Variants in CCSER1 observed in about 807,000 individuals in gnomAD.
The protein encoded by CCSER1 is serine-rich coiled-coil domain-containing protein 1.
Under a neutral mutation model 82.0 loss-of-function variants are expected in CCSER1, and 41 were observed. The ratio of observed to expected loss-of-function variants is 0.50; its 90% confidence interval spans 0.39 to 0.65. CCSER1 has a LOEUF of 0.65. Ranked by LOEUF, CCSER1 falls within the 30% of genes least tolerant of loss-of-function variation. CCSER1 has a pLI of 0.00. For synonymous variants in CCSER1, 414 were observed against 383.9 expected (o/e 1.08, Z -0.92); for missense variants, 1,119 against 1,064.2 (o/e 1.05, Z -0.72).
At chr4:90,642,624 A>G (rs1015160269) in intron 6 of CCSER1, among the ~76,000 whole-genome samples, 2 of 152,170 alleles carry the variant, frequency 1.3e-5, no homozygotes, top group African/African-American at 4.8e-5. Flanking sequence ...GGATTGCTTG[A>G]GCTCAGGAGT....
At chr4:91,106,866 A>G (rs1725669764) in intron 10 of CCSER1, among the ~76,000 whole-genome samples, 1 of 152,146 alleles carries the variant, frequency 6.6e-6, no homozygotes, top group South Asian at 2.1e-4. Context: ...ATTATTGACA[A>G]TGTGGTATAA....
At chr4:91,217,330 C>G (rs575200404) in intron 10 of CCSER1, among the ~76,000 whole-genome samples, 5 of 152,314 alleles carry the variant, frequency 3.3e-5, no homozygotes, top group African/African-American at 1.2e-4. Flanking sequence ...CCTGTTTTGT[C>G]AGGGCGCTGA....
intron 10 of CCSER1, among the ~76,000 whole-genome samples, chr4:91,315,236 T>C (rs1362984751): frequency 6.6e-6 from 1 of 151,884 alleles, no homozygotes; most frequent in African/African-American, 2.4e-5. Flanking sequence ...TAATCTTTTA[T>C]GGCTTCTGAA....
intron 3 of CCSER1, among the ~76,000 whole-genome samples, chr4:90,384,353 C>T (rs1335998298): frequency 1.4e-5 from 2 of 140,652 alleles, no homozygotes; most frequent in Non-Finnish European, 3.0e-5. Context: ...CAAACTATCA[C>T]AAGGACAAAA....
At chr4:90,570,236 G>A (rs1779937311) in intron 5 of CCSER1, among the ~76,000 whole-genome samples, 1 of 152,144 alleles carries the variant, frequency 6.6e-6, no homozygotes, top group Non-Finnish European at 1.5e-5. Context: ...TGGGAGTCCT[G>A]TGGTCTAGAA....
intron 7 of CCSER1, among the ~76,000 whole-genome samples, chr4:90,734,088 G>C (rs771865957): frequency 2.6e-4 from 39 of 151,344 alleles, no homozygotes; most frequent in Non-Finnish European, 4.7e-4. Flanking sequence ...TCTATAGATT[G>C]CTATTTTTAT....
chr4:91,435,259 A>G (rs1171404758), intron 10 of CCSER1, among the ~76,000 whole-genome samples: 3 of 152,066 alleles, frequency 2.0e-5, no homozygotes, highest in Admixed American at 2.0e-4. Context: ...AGACAAGATG[A>G]TGAAACTCTG....
chr4:91,281,986 T>G, intron 10 of CCSER1, among the ~76,000 whole-genome samples: 1 of 152,188 alleles, frequency 6.6e-6, no homozygotes, highest in East Asian at 1.9e-4. Context: ...AAAATATTGG[T>G]TTTTGTTATT....
intron 6 of CCSER1, among the ~76,000 whole-genome samples, chr4:90,632,520 C>A (rs1244899835): frequency 1.3e-5 from 2 of 151,878 alleles, no homozygotes; most frequent in Non-Finnish European, 2.9e-5. Flanking sequence ...AGTGAATACA[C>A]CTGCAAAAGT....
At chr4:91,383,236 G>T (rs1399069122) in intron 10 of CCSER1, among the ~76,000 whole-genome samples, 1 of 152,066 alleles carries the variant, frequency 6.6e-6, no homozygotes, top group Non-Finnish European at 1.5e-5. Context: ...AGGCCAAAAA[G>T]ATGGTAATTA....
intron 1 of CCSER1, among the ~76,000 whole-genome samples, chr4:90,146,627 C>A (rs916093144): frequency 6.6e-6 from 1 of 151,924 alleles, no homozygotes; most frequent in Non-Finnish European, 1.5e-5. Flanking sequence ...CAACTGTTAT[C>A]GAAATTGGCT....
intron 10 of CCSER1, among the ~76,000 whole-genome samples, chr4:91,589,773 G>C (rs544408100): frequency 3.9e-5 from 6 of 151,902 alleles, no homozygotes; most frequent in African/African-American, 1.2e-4. Context: ...TTTCATAGAT[G>C]TCTTCTGAAT....
chr4:90,316,647 C>T (rs1736217478), intron 3 of CCSER1, among the ~76,000 whole-genome samples: 2 of 152,120 alleles, frequency 1.3e-5, no homozygotes, highest in African/African-American at 4.8e-5. Flanking sequence ...ATTAATGCAG[C>T]CCTTCATGTA....
At chr4:90,478,783 C>T (rs1765468454) in intron 5 of CCSER1, among the ~76,000 whole-genome samples, 1 of 149,172 alleles carries the variant, frequency 6.7e-6, no homozygotes, top group Non-Finnish European at 1.5e-5. Context: ...CTGTGTTGCC[C>T]AGGCTGGAGT....
At chr4:90,957,627 A>T (rs1279335078) in intron 9 of CCSER1, among the ~76,000 whole-genome samples, 4 of 119,840 alleles carry the variant, frequency 3.3e-5, no homozygotes, top group Non-Finnish European at 6.8e-5. Flanking sequence ...TATTGTATAT[A>T]TTCTATATAA....
intron 10 of CCSER1, among the ~76,000 whole-genome samples, chr4:91,356,197 C>T (rs796902836): frequency 2.6e-5 from 4 of 152,362 alleles, no homozygotes; most frequent in African/African-American, 9.6e-5. Flanking sequence ...CAGGGCCCTA[C>T]AGTCTGGGTT....
chr4:90,939,640 G>T (rs769395559), intron 9 of CCSER1, among the ~76,000 whole-genome samples: 56 of 152,156 alleles, frequency 3.7e-4, no homozygotes, highest in Non-Finnish European at 7.1e-4. Context: ...TCTACCTGTT[G>T]GGCAAACAGA....
At chr4:91,177,428 G>A (rs1208285476) in intron 10 of CCSER1, among the ~76,000 whole-genome samples, 1 of 152,146 alleles carries the variant, frequency 6.6e-6, no homozygotes, top group African/African-American at 2.4e-5. Flanking sequence ...GGTAGAATTT[G>A]GCTGTGAATC....
At chr4:90,502,786 C>G (rs754253722) in intron 5 of CCSER1, among the ~76,000 whole-genome samples, 1 of 152,150 alleles carries the variant, frequency 6.6e-6, no homozygotes, top group Non-Finnish European at 1.5e-5. Flanking sequence ...ACACAGAGCT[C>G]TTTTAAAAAT....
Sources: allele counts gnomAD v4.1 joint callset (sites outside exome capture counted in the v4.1 genomes callset), GRCh38; gene constraint gnomAD v4.1.1; transcripts MANE v1.5; gene names NCBI Gene and HGNC (gene_info 2026-07-23, HGNC 2026-07-21).